AGO4: variants seen among roughly 807,000 people sequenced by gnomAD.
The protein encoded by AGO4 is argonaute RISC component 4.
A neutral mutation model predicts 104.7 loss-of-function variants in AGO4; 33 were observed. The observed-to-expected ratio is 0.32, with a 90% CI of 0.24 to 0.42. AGO4 has a LOEUF of 0.42. Among genes scored for constraint, AGO4 ranks in the 10% least tolerant of loss-of-function variants. The pLI is 1.00. For synonymous variants in AGO4, 331 were observed against 364.7 expected, an observed-to-expected ratio of 0.91 and a Z score of 1.05; for missense variants, 711 against 1,083.4, an observed-to-expected ratio of 0.66 and a Z score of 4.83.
Position 35,823,754 on chromosome 1 carries a change from T to TA in AGO4, c.306+772_306+773insA, listed in dbSNP as rs1385370436. Among the ~76,000 whole-genome samples, 276 of 150,646 alleles carry TA rather than the reference T, an allele frequency of 1.8e-3. 2 individuals carry two copies. Among genetic ancestry groups the TA allele is most frequent in the African/African-American group, 5.7e-3 (236 of 41,096 alleles). ...CCTTAATTTTTATTATTATTATTAT[T>TA]TTTTTTTTTAGTACAGATGGGGTTT... On this transcript the variant is annotated intron_variant, in intron 3 of 17. Coordinates refer to ENST00000373210, the MANE Select transcript of AGO4 (RefSeq NM_017629.4).
intron 15 of AGO4, among the ~76,000 whole-genome samples, chr1:35,849,489 C>T (rs1016026167): frequency 6.8e-6 from 1 of 148,054 alleles, no homozygotes; most frequent in African/African-American, 2.5e-5. Flanking sequence ...TTGAGTCCAG[C>T]CTGGGCAACA....
At chr1:35,849,235 T>C (rs996988633) in intron 15 of AGO4, among the ~76,000 whole-genome samples, 3 of 152,164 alleles carry the variant, frequency 2.0e-5, no homozygotes, top group African/African-American at 7.2e-5. Context: ...CCTAATTTTA[T>C]AGATGATTAG....
chr1:35,825,752 G>C lies in AGO4; in HGVS notation c.562G>C (p.Val188Leu). ...YYHPLGGGRE[V>L]WFGFHQSVRP... The stretch of plus-strand genomic sequence containing the variant: ...CCACCCTCTGGGAGGGGGCAGGGAG[G>C]TCTGGTTTGGTTTTCATCAGTCTGT... The change falls in exon 5 of 18, where the codon GTC becomes CTC. Residue 188 changes from valine to leucine, a missense_variant. Around this residue, in one of 3 missense-constraint regions of AGO4, gnomAD observed 308 missense variants for 397.8 expected, o/e 0.77. Transcript: ENST00000373210. 2 of 1,597,708 alleles carry C rather than the reference G, an allele frequency of 1.3e-6. No individual in the cohort carries two copies. Among genetic ancestry groups the C allele is most frequent in the Admixed American group, 3.6e-5 (2 of 56,010 alleles).
rs186446906 is a variant in AGO4 at position 35,819,173 on chromosome 1, T to C, written c.185+2126T>C. Reference sequence around the variant, plus strand: ...GTCATGATCAATTCCAGGGTTTATGTCCTGAGCTACTGGAAAAAAAGGAGT... The same window carrying C: ...GTCATGATCAATTCCAGGGTTTATGCCCTGAGCTACTGGAAAAAAAGGAGT... On this transcript the variant is annotated intron_variant, in intron 2 of 17. Transcript: ENST00000373210. Among the ~76,000 whole-genome samples, 11 of 152,230 alleles carry C rather than the reference T, an allele frequency of 7.2e-5. 1 individual carries two copies. Among genetic ancestry groups the C allele is most frequent in the Admixed American group, 7.2e-4 (11 of 15,294 alleles).
chr1:35,831,718 T>C (rs1571284856), intron 8 of AGO4, 94 bp from the exon 9 acceptor site: 1 of 1,553,092 alleles, frequency 6.4e-7, no homozygotes, highest in East Asian at 2.3e-5. Flanking sequence ...CAAATTTTAA[T>C]TTTTCTGGAA....
At chr1:35,836,906 G>A (rs767352394) in intron 13 of AGO4, among the ~76,000 whole-genome samples, 35 of 152,136 alleles carry the variant, frequency 2.3e-4, no homozygotes, top group Non-Finnish European at 4.9e-4. Context: ...TACACTGAGA[G>A]TTCTACTTGC....
At chr1:35,840,130 T>C (rs1483422080) in intron 13 of AGO4, among the ~76,000 whole-genome samples, 2 of 150,860 alleles carry the variant, frequency 1.3e-5, no homozygotes, top group Non-Finnish European at 1.5e-5. Flanking sequence ...TAGCTGGGAT[T>C]ACAGGTGAGC....
intron 7 of AGO4, 88 bp downstream of exon 7, chr1:35,826,923 C>G (rs35096932): frequency 0.042 from 57,437 of 1,362,454 alleles, 1,475 homozygotes; most frequent in Non-Finnish European, 0.051. Context: ...GGTTATTGGC[C>G]GGGCACAGTG....
At chr1:35,826,638 G>A (rs998977956) in intron 6 of AGO4, 110 bp from the exon 7 acceptor site, 10 of 979,980 alleles carry the variant, frequency 1.0e-5, no homozygotes, top group South Asian at 1.4e-5. Context: ...CCATATTCTT[G>A]CAATTTTTAT....
chr1:35,846,964 C>G (rs912590679), intron 15 of AGO4, among the ~76,000 whole-genome samples: 1 of 151,996 alleles, frequency 6.6e-6, no homozygotes, highest in African/African-American at 2.4e-5. Flanking sequence ...AGTAGGATCA[C>G]TTGAGTCCAG....
chr1:35,830,204 T>A (rs1644147458), intron 7 of AGO4, among the ~76,000 whole-genome samples: 2 of 151,906 alleles, frequency 1.3e-5, no homozygotes, highest in Non-Finnish European at 2.9e-5. Flanking sequence ...TTGAGATAAT[T>A]TGCCCACTGG....
chr1:35,829,616 C>G (rs552586894), intron 7 of AGO4, among the ~76,000 whole-genome samples: 11 of 152,082 alleles, frequency 7.2e-5, no homozygotes, highest in African/African-American at 2.6e-4. Context: ...GCAGGCAGAT[C>G]ACTAGAGGTC....
chr1:35,832,814 T>C (rs1416785363), intron 11 of AGO4, among the ~76,000 whole-genome samples: 2 of 152,220 alleles, frequency 1.3e-5, no homozygotes, highest in East Asian at 3.8e-4. Flanking sequence ...ACAATGTTGG[T>C]TGGCAAATTC....
Position 35,832,038 on chromosome 1 carries a change from A to G in AGO4, c.1117-19A>G. On this transcript the variant is annotated intron_variant, in intron 9 of 17. Transcript: ENST00000373210. Reference sequence around the variant, plus strand: ...GTTACTCTCTGGTTTTTATATATGCAGGCTTTCCTGTTCTTTAGGTGAAGA... The same window carrying G: ...GTTACTCTCTGGTTTTTATATATGCGGGCTTTCCTGTTCTTTAGGTGAAGA... 6.2e-7 allele frequency: 1 copy of G among 1,606,846 alleles called. No homozygotes were observed. Among genetic ancestry groups the G allele is most frequent in the Non-Finnish European group, 8.5e-7 (1 of 1,178,010 alleles).
At chr1:35,836,015 C>T in intron 13 of AGO4, 22 bp downstream of exon 13, 8 of 1,604,426 alleles carry the variant, frequency 5.0e-6, no homozygotes, top group Non-Finnish European at 6.8e-6. Flanking sequence ...AATGCTTTCC[C>T]CACTTTTGTT....
At chr1:35,817,246 T>A (rs1643740527) in intron 2 of AGO4, among the ~76,000 whole-genome samples, 199 bp downstream of exon 2, 1 of 152,120 alleles carries the variant, frequency 6.6e-6, no homozygotes, top group South Asian at 2.1e-4. Flanking sequence ...TATTAGTCAA[T>A]CAGTAAACAC....
chr1:35,818,115 G>T (rs1643769909), intron 2 of AGO4, among the ~76,000 whole-genome samples: 1 of 152,134 alleles, frequency 6.6e-6, no homozygotes, highest in African/African-American at 2.4e-5. Flanking sequence ...GATAGGAAAT[G>T]GGGATAGGAT....
intron 11 of AGO4, among the ~76,000 whole-genome samples, chr1:35,832,948 A>G (rs1644221176): frequency 6.6e-6 from 1 of 152,190 alleles, no homozygotes; most frequent in African/African-American, 2.4e-5. Context: ...TCTCTGGGTA[A>G]AAGTAGGTTC....
At chr1:35,818,190 A>G (rs982313487) in intron 2 of AGO4, among the ~76,000 whole-genome samples, 2 of 152,188 alleles carry the variant, frequency 1.3e-5, no homozygotes, top group Non-Finnish European at 2.9e-5. Context: ...GCATATGTAG[A>G]TATACACACA....
Sources: allele counts gnomAD v4.1 joint callset (sites outside exome capture counted in the v4.1 genomes callset), GRCh38; gene constraint gnomAD v4.1.1; regional missense constraint gnomAD v4.1.1; transcripts MANE v1.5; gene names NCBI Gene and HGNC (gene_info 2026-07-23, HGNC 2026-07-21).